GALNT18: variants seen among roughly 807,000 people sequenced by gnomAD.
GALNT18 encodes the protein GalNAc-transferase 18.
Under a neutral mutation model 69.5 loss-of-function variants are expected in GALNT18, and 44 were observed. The ratio of observed to expected loss-of-function variants is 0.63; its 90% confidence interval spans 0.50 to 0.81. GALNT18 has a LOEUF of 0.81. Ranked by LOEUF, GALNT18 falls within the 40% of genes least tolerant of loss-of-function variation. The pLI, the probability that GALNT18 is intolerant of heterozygous loss-of-function variation, is 0.00. For synonymous variants in GALNT18, 364 were observed against 318.2 expected, an observed-to-expected ratio of 1.14 and a Z score of -1.53; for missense variants, 715 against 810.0, an observed-to-expected ratio of 0.88 and a Z score of 1.42.
chr11:11,561,989 G>A (rs1201712974), intron 1 of GALNT18, among the ~76,000 whole-genome samples: 1 of 152,244 alleles, frequency 6.6e-6, no homozygotes, highest in Non-Finnish European at 1.5e-5. Context: ...CACACAGCGA[G>A]TGAATGCAGG....
chr11:11,618,403 A>G lies in GALNT18; in HGVS notation c.235+2956T>C, dbSNP rs1860109821. 6.6e-6 allele frequency among the ~76,000 whole-genome samples: 1 copy of G among 152,212 alleles called. No individual in the cohort carries two copies. The highest frequency in any genetic ancestry group is 6.5e-5 in the Admixed American group (1 of 15,286). On this transcript the variant is annotated intron_variant, in intron 1 of 10. Coordinates refer to ENST00000227756, the MANE Select transcript of GALNT18 (RefSeq NM_198516.3). The surrounding 1 kb of genome is among the most constrained non-coding windows in gnomAD (Gnocchi z 6.1). ...CAGGGACTGTCCTGCATGTTCAGTAAACATTAGTTAAAGGACTGGAACCTC... is the reference window on the plus strand; with the variant it reads ...CAGGGACTGTCCTGCATGTTCAGTAGACATTAGTTAAAGGACTGGAACCTC...
intron 1 of GALNT18, among the ~76,000 whole-genome samples, chr11:11,517,652 C>T (rs1009861222): frequency 2.0e-5 from 3 of 152,076 alleles, no homozygotes; most frequent in Non-Finnish European, 2.9e-5. Flanking sequence ...TTACTCCCCT[C>T]CTTATCCCCT....
intron 3 of GALNT18, among the ~76,000 whole-genome samples, chr11:11,390,294 C>T (rs1391921285): frequency 1.3e-5 from 2 of 152,226 alleles, no homozygotes; most frequent in Non-Finnish European, 2.9e-5. Flanking sequence ...CCTGCTACCT[C>T]CACCTGGAAC....
chr11:11,321,432 T>G (rs1218390920), intron 9 of GALNT18, among the ~76,000 whole-genome samples: 1 of 152,170 alleles, frequency 6.6e-6, no homozygotes, highest in Non-Finnish European at 1.5e-5. Flanking sequence ...CTCAATAAAA[T>G]AGTAAAACAA....
intron 1 of GALNT18, among the ~76,000 whole-genome samples, chr11:11,552,670 T>C (rs940027034): frequency 3.9e-5 from 6 of 152,106 alleles, no homozygotes; most frequent in Non-Finnish European, 7.4e-5. Flanking sequence ...GGGCATACTG[T>C]GGACAAAGCA....
chr11:11,562,606 A>T lies in GALNT18; in HGVS notation c.235+58753T>A, dbSNP rs183945816. Among the ~76,000 whole-genome samples the T allele has an allele frequency of 6.6e-6, 1 of 152,138 alleles. No homozygotes were observed. The highest frequency in any genetic ancestry group is 6.5e-5 in the Admixed American group (1 of 15,284). On this transcript the variant is annotated intron_variant, in intron 1 of 10. Transcript: ENST00000227756. This position sits in a 1 kb window ranked among gnomAD's most constrained non-coding sequence, Gnocchi z 4.1. ...ATCAAACCTGCCTCCTACCCCAGCA[A>T]CCCCATGGCACAGCACAATTTCAAG... is the stretch of plus-strand genomic sequence containing the variant.
Position 11,432,701 on chromosome 11 carries a change from C to T in GALNT18, c.515G>A (p.Arg172His), listed in dbSNP as rs1040327384. The T allele has an allele frequency of 6.2e-6, 10 of 1,613,608 alleles. No individual in the cohort carries two copies. Among genetic ancestry groups the T allele is most frequent in the African/African-American group, 4.0e-5 (3 of 74,916 alleles). The change falls in exon 3 of 11, where the codon CGC (arginine) becomes CAC (histidine). Residue 172 changes from arginine to histidine, a missense_variant. Physicochemically the swap from Arg to His is conservative, Grantham distance 29 (BLOSUM62 0). Coordinates refer to ENST00000227756, the MANE Select transcript of GALNT18 (RefSeq NM_198516.3). The surrounding 1 kb of genome is among the most constrained non-coding windows in gnomAD (Gnocchi z 5.8). ...GCGTTCCATGGCCGAGTGGATGGAG[C>T]GCAGCAGCACTGAAAGCGCTTCATT... is the stretch of plus-strand genomic sequence containing the variant. ...FVNEALSVLL[R>H]SIHSAMERTP... is the part of the protein sequence containing the mutation.
chr11:11,561,100 T>G (rs1388649817), intron 1 of GALNT18, among the ~76,000 whole-genome samples: 1 of 152,254 alleles, frequency 6.6e-6, no homozygotes, highest in East Asian at 1.9e-4. Flanking sequence ...ACCATTTGCC[T>G]TTTCTTATCA....
intron 9 of GALNT18, among the ~76,000 whole-genome samples, chr11:11,325,103 C>T (rs1024592408): frequency 2.6e-5 from 4 of 152,304 alleles, no homozygotes; most frequent in Non-Finnish European, 5.9e-5. Flanking sequence ...AGGGAACCAA[C>T]CTGAGTGCCC....
At chr11:11,291,133 G>A (rs370846152) in intron 10 of GALNT18, among the ~76,000 whole-genome samples, 286 of 152,304 alleles carry the variant, frequency 1.9e-3, no homozygotes, top group African/African-American at 6.7e-3. Flanking sequence ...ATCTGGCAGA[G>A]GAAAGTGATG....
In GALNT18 at chr11:11,563,024, G is replaced by C. The variant is rs539692850; in HGVS notation, c.235+58335C>G. On this transcript the variant is annotated intron_variant, in intron 1 of 10. Transcript: ENST00000227756. This position sits in a 1 kb window ranked among gnomAD's most constrained non-coding sequence, Gnocchi z 4.6. ...GTGCCTTCTACAATTTGCCAACTTGGTCCTGACGTTTTGTGCTTCATGGCT... is the reference window on the plus strand; with the variant it reads ...GTGCCTTCTACAATTTGCCAACTTGCTCCTGACGTTTTGTGCTTCATGGCT... Among the ~76,000 whole-genome samples the C allele has an allele frequency of 7.9e-5, 12 of 152,158 alleles. No homozygotes were observed. Among genetic ancestry groups the C allele is most frequent in the African/African-American group, 2.6e-4 (11 of 41,512 alleles).
At chr11:11,514,623 A>C (rs957778075) in intron 1 of GALNT18, among the ~76,000 whole-genome samples, 4 of 152,230 alleles carry the variant, frequency 2.6e-5, no homozygotes, top group African/African-American at 9.6e-5. Flanking sequence ...ACAAATGGAA[A>C]ACTCAAGGAA....
intron 6 of GALNT18, among the ~76,000 whole-genome samples, chr11:11,368,443 T>A (rs1204540540): frequency 6.6e-6 from 1 of 152,228 alleles, no homozygotes; most frequent in African/African-American, 2.4e-5. Flanking sequence ...AGAAATCCTC[T>A]CTGGAGAAAG....
At chr11:11,295,444 T>C (rs184934112) in intron 9 of GALNT18, among the ~76,000 whole-genome samples, 1 of 150,192 alleles carries the variant, frequency 6.7e-6, no homozygotes, top group Admixed American at 6.6e-5. Context: ...CACCAGAACG[T>C]GTAAGAGAAA....
At chr11:11,391,381 A>G (rs1333763774) in intron 3 of GALNT18, among the ~76,000 whole-genome samples, 1 of 152,258 alleles carries the variant, frequency 6.6e-6, no homozygotes, top group African/African-American at 2.4e-5. Flanking sequence ...AGGCATGGTT[A>G]AATAATTAGC....
At chr11:11,292,152 C>T (rs969885786) in intron 10 of GALNT18, among the ~76,000 whole-genome samples, 4 of 152,160 alleles carry the variant, frequency 2.6e-5, no homozygotes, top group Non-Finnish European at 5.9e-5. Flanking sequence ...CCATGTACAG[C>T]CCCCAGGCAG....
chr11:11,430,861 C>T lies in GALNT18; in HGVS notation c.595+1760G>A, dbSNP rs148948408. On this transcript the variant is annotated intron_variant, in intron 3 of 10. Transcript: ENST00000227756. This position sits in a 1 kb window ranked among gnomAD's most constrained non-coding sequence, Gnocchi z 4.9. ...CCTTCTTCAAGATGCCCTTTTCCCCCGCCAATATAATAAAGCATGACCAAA... is the reference window on the plus strand; with the variant it reads ...CCTTCTTCAAGATGCCCTTTTCCCCTGCCAATATAATAAAGCATGACCAAA... Among the ~76,000 whole-genome samples, 74 of 152,288 alleles carry T rather than the reference C, an allele frequency of 4.9e-4. No individual in the cohort carries two copies. The highest frequency in any genetic ancestry group is 2.5e-3 in the South Asian group (12 of 4,830).
intron 6 of GALNT18, among the ~76,000 whole-genome samples, chr11:11,370,460 G>A (rs1850874425): frequency 6.6e-6 from 1 of 152,142 alleles, no homozygotes; most frequent in African/African-American, 2.4e-5. Flanking sequence ...AAATTCAAAT[G>A]AACTCATCCC....
At chr11:11,304,995 T>C (rs1849556370) in intron 9 of GALNT18, among the ~76,000 whole-genome samples, 1 of 152,148 alleles carries the variant, frequency 6.6e-6, no homozygotes, top group Non-Finnish European at 1.5e-5. Context: ...CAGCCTAAGA[T>C]GACTGATAAA....
Sources: allele counts gnomAD v4.1 joint callset (sites outside exome capture counted in the v4.1 genomes callset), GRCh38; gene constraint gnomAD v4.1.1; non-coding constraint Gnocchi (gnomAD v3.1); transcripts MANE v1.5; gene names NCBI Gene and HGNC (gene_info 2026-07-23, HGNC 2026-07-21).